PPP1R16B: variants seen among roughly 807,000 people sequenced by gnomAD.
PPP1R16B encodes the protein protein phosphatase 1 regulatory inhibitor subunit 16B.
In PPP1R16B, 14 loss-of-function variants were observed where a neutral mutation model predicts 61.7. The ratio of observed to expected loss-of-function variants is 0.23; its 90% CI spans 0.15 to 0.35. The LOEUF is 0.35. Ranked by LOEUF, PPP1R16B falls within the 10% of genes least tolerant of loss-of-function variation. The pLI is 1.00. For synonymous variants in PPP1R16B, 266 were observed against 305.3 expected (o/e 0.87, Z 1.34); for missense variants, 547 against 752.5 (o/e 0.73, Z 3.19).
At chr20:38,859,737 C>A (rs987759461) in intron 2 of PPP1R16B, among the ~76,000 whole-genome samples, 1 of 152,144 alleles carries the variant, frequency 6.6e-6, no homozygotes, top group African/African-American at 2.4e-5. Flanking sequence ...GCAGTCCTAC[C>A]ACCTCAGCCT....
intron 4 of PPP1R16B, 93 bp from the exon 5 acceptor site, chr20:38,900,488 A>G: frequency 5.4e-6 from 5 of 923,942 alleles, no homozygotes; most frequent in African/African-American, 1.7e-5. Context: ...CGGGTTGTAC[A>G]GTAGGATTGC....
At chr20:38,822,493 T>C (rs894944989) in intron 1 of PPP1R16B, among the ~76,000 whole-genome samples, 1 of 150,256 alleles carries the variant, frequency 6.7e-6, no homozygotes, top group African/African-American at 2.4e-5. Flanking sequence ...ACACATTTAG[T>C]GCCTTCCAAT....
Position 38,819,810 on chromosome 20 carries a change from C to G in PPP1R16B, c.-102+14018C>G, listed in dbSNP as rs536267765. 7.9e-5 allele frequency among the ~76,000 whole-genome samples: 12 copies of G among 152,180 alleles called. No homozygotes were observed. In the East Asian group the frequency reaches 2.3e-3, roughly 29 times the overall value. ...TTAAAAAAAAAAATTGTGATGATTT[C>G]TTAAGGAAAAACAAATACACAAAAG... On this transcript the variant is annotated intron_variant, in intron 1 of 10. Transcript: ENST00000299824.
intron 6 of PPP1R16B, among the ~76,000 whole-genome samples, chr20:38,904,996 G>A (rs542619117): frequency 1.7e-4 from 26 of 152,312 alleles, no homozygotes; most frequent in African/African-American, 6.3e-4. Flanking sequence ...AGCTATTTAT[G>A]TATTTTGGGG....
At chr20:38,807,564 G>A (rs553420808) in intron 1 of PPP1R16B, among the ~76,000 whole-genome samples, 1 of 152,110 alleles carries the variant, frequency 6.6e-6, no homozygotes, top group South Asian at 2.1e-4. Context: ...GGCCGGTGGG[G>A]GCCAGCAAAT....
intron 2 of PPP1R16B, 54 bp downstream of exon 2, chr20:38,836,229 G>A: frequency 6.4e-7 from 1 of 1,565,892 alleles, no homozygotes; most frequent in Non-Finnish European, 8.6e-7. Flanking sequence ...TCTGATCAGG[G>A]TTTGGAATCC....
chr20:38,834,440 A>G (rs1007979431), intron 1 of PPP1R16B, among the ~76,000 whole-genome samples: 1 of 152,228 alleles, frequency 6.6e-6, no homozygotes, highest in Admixed American at 6.5e-5. Context: ...CTGAAAGTTC[A>G]TAGAGTCCGT....
At chr20:38,899,823 G>A (rs2085377597) in intron 4 of PPP1R16B, among the ~76,000 whole-genome samples, 1 of 150,966 alleles carries the variant, frequency 6.6e-6, no homozygotes, top group African/African-American at 2.4e-5. Context: ...ACTTGCTCTA[G>A]TCTTGCTCTA....
chr20:38,859,543 G>A (rs1466238757), intron 2 of PPP1R16B, among the ~76,000 whole-genome samples: 2 of 152,220 alleles, frequency 1.3e-5, no homozygotes, highest in African/African-American at 2.4e-5. Flanking sequence ...CCAGACTGGG[G>A]TGCAGTGGCA....
chr20:38,819,290 C>T (rs1414374918), intron 1 of PPP1R16B, among the ~76,000 whole-genome samples: 2 of 152,000 alleles, frequency 1.3e-5, no homozygotes, highest in Non-Finnish European at 2.9e-5. Flanking sequence ...GTATGAGTAG[C>T]TAAAACACAT....
chr20:38,914,406 G>A (rs1478543838), intron 10 of PPP1R16B, among the ~76,000 whole-genome samples: 1 of 152,088 alleles, frequency 6.6e-6, no homozygotes, highest in African/African-American at 2.4e-5. Context: ...TAACCTTCCT[G>A]TTGTCCAGTA....
intron 3 of PPP1R16B, among the ~76,000 whole-genome samples, chr20:38,894,065 C>A (rs1376324869): frequency 6.6e-6 from 1 of 152,202 alleles, no homozygotes; most frequent in South Asian, 2.1e-4. Flanking sequence ...TCACACCTTT[C>A]CCTGCCTGTC....
At chr20:38,873,435 C>T (rs1260459994) in intron 2 of PPP1R16B, among the ~76,000 whole-genome samples, 1 of 152,140 alleles carries the variant, frequency 6.6e-6, no homozygotes. Flanking sequence ...TAACAAATCA[C>T]CCCAAAAGGT....
chr20:38,856,700 A>T (rs564292252), intron 2 of PPP1R16B, among the ~76,000 whole-genome samples: 5 of 152,310 alleles, frequency 3.3e-5, no homozygotes, highest in African/African-American at 1.2e-4. Flanking sequence ...GCATCAACTC[A>T]TTGCATCCTC....
At chr20:38,850,300 G>A (rs894102026) in intron 2 of PPP1R16B, among the ~76,000 whole-genome samples, 2 of 152,102 alleles carry the variant, frequency 1.3e-5, no homozygotes, top group Non-Finnish European at 2.9e-5. Context: ...CCTGGAGTCT[G>A]CTTCTCCCAA....
chr20:38,894,611 G>C (rs2085320837), intron 3 of PPP1R16B, among the ~76,000 whole-genome samples: 1 of 152,218 alleles, frequency 6.6e-6, no homozygotes, highest in African/African-American at 2.4e-5. Context: ...CCTTATCTGG[G>C]TGGGCAGGGC....
intron 3 of PPP1R16B, 37 bp from the exon 4 acceptor site, chr20:38,895,528 C>T (rs1376014236): frequency 2.5e-6 from 4 of 1,607,654 alleles, no homozygotes; most frequent in South Asian, 1.1e-5. Context: ...GCCCAGTGCC[C>T]TGCCTGGAGC....
chr20:38,900,036 C>T (rs1157989391), intron 4 of PPP1R16B, among the ~76,000 whole-genome samples: 9 of 152,072 alleles, frequency 5.9e-5, no homozygotes, highest in East Asian at 3.9e-4. Flanking sequence ...TCAGGTGATC[C>T]GCCCGCCTCG....
chr20:38,898,905 T>G (rs1428413781), intron 4 of PPP1R16B, among the ~76,000 whole-genome samples: 1 of 152,048 alleles, frequency 6.6e-6, no homozygotes, highest in African/African-American at 2.4e-5. Flanking sequence ...CCAACCTAAA[T>G]AATAATTGGT....
Sources: allele counts gnomAD v4.1 joint callset (sites outside exome capture counted in the v4.1 genomes callset), GRCh38; gene constraint gnomAD v4.1.1; transcripts MANE v1.5; gene names NCBI Gene and HGNC (gene_info 2026-07-23, HGNC 2026-07-21).